The following CADM2 variants were observed in gnomAD, a reference collection of about 807,000 sequenced individuals.
CADM2 encodes the protein cell adhesion molecule 2.
CADM2 carries 12 observed loss-of-function variants against 49.8 expected under a neutral mutation model. The ratio of observed to expected loss-of-function variants is 0.24; its 90% CI spans 0.15 to 0.39. The LOEUF is 0.39. CADM2 is among the 10% of genes least tolerant of loss of function. The pLI, the probability that CADM2 is intolerant of heterozygous loss-of-function variation, is 1.00. For synonymous variants in CADM2, 214 were observed against 175.4 expected (o/e 1.22, Z -1.74); for missense variants, 378 against 492.3 (o/e 0.77, Z 2.20).
At chr3:85,308,161 C>T (rs1375574564) in intron 1 of CADM2, among the ~76,000 whole-genome samples, 1 of 151,656 alleles carries the variant, frequency 6.6e-6, no homozygotes, top group Non-Finnish European at 1.5e-5. Flanking sequence ...TTTCTTTTGC[C>T]AGAAAATTTG....
rs35088088 is a variant in CADM2 at position 85,383,775 on chromosome 3, T to A, written c.62-342747T>A. ...ATTTCATATTGTATACATTCTTCAA[T>A]ACTCACTGTTCCTCCTTTGATATTT... On this transcript the variant is annotated intron_variant, in intron 1 of 9. Coordinates refer to ENST00000383699, the MANE Select transcript of CADM2 (RefSeq NM_001167675.2). Among the ~76,000 whole-genome samples, 1,408 of 151,860 alleles carry A rather than the reference T, an allele frequency of 9.3e-3. 12 individuals are homozygous for A. Among genetic ancestry groups the A allele is most frequent in the Non-Finnish European group, 0.014 (964 of 67,872 alleles).
At chr3:85,612,978 A>G (rs2063715897) in intron 1 of CADM2, among the ~76,000 whole-genome samples, 1 of 151,726 alleles carries the variant, frequency 6.6e-6, no homozygotes, top group African/African-American at 2.4e-5. Flanking sequence ...CTAATTGATC[A>G]TGGAGTCTTT....
intron 1 of CADM2, among the ~76,000 whole-genome samples, chr3:85,042,924 A>G (rs1223040410): frequency 1.3e-5 from 2 of 152,156 alleles, no homozygotes; most frequent in Non-Finnish European, 2.9e-5. Flanking sequence ...GTACATGCAC[A>G]TAGGGATCCA....
intron 7 of CADM2, among the ~76,000 whole-genome samples, chr3:85,948,821 T>G (rs1375774147): frequency 6.6e-6 from 1 of 151,594 alleles, no homozygotes; most frequent in Non-Finnish European, 1.5e-5. Flanking sequence ...AGGCAGACTT[T>G]CTCAGTGATT....
chr3:85,691,206 C>T (rs2066375564), intron 1 of CADM2, among the ~76,000 whole-genome samples: 1 of 152,168 alleles, frequency 6.6e-6, no homozygotes, highest in South Asian at 2.1e-4. Flanking sequence ...CCTTACTTCA[C>T]TGAACATGGT....
At chr3:85,179,795 A>G (rs2040879833) in intron 1 of CADM2, among the ~76,000 whole-genome samples, 1 of 152,140 alleles carries the variant, frequency 6.6e-6, no homozygotes, top group African/African-American at 2.4e-5. Context: ...TTTGAATAAA[A>G]ATGCGAAGCC....
chr3:84,989,878 C>G (rs1385234521), intron 1 of CADM2, among the ~76,000 whole-genome samples: 1 of 151,648 alleles, frequency 6.6e-6, no homozygotes, highest in Non-Finnish European at 1.5e-5. Context: ...ATTCTTCCAC[C>G]TACAGGTTTT....
intron 1 of CADM2, among the ~76,000 whole-genome samples, chr3:85,685,709 C>T (rs1209450964): frequency 6.7e-6 from 1 of 149,220 alleles, no homozygotes; most frequent in Non-Finnish European, 1.5e-5. Flanking sequence ...CTGCAACCTC[C>T]ACCTCCCAGG....
intron 1 of CADM2, among the ~76,000 whole-genome samples, chr3:85,054,361 A>G (rs1250617632): frequency 6.6e-6 from 1 of 151,906 alleles, no homozygotes; most frequent in Non-Finnish European, 1.5e-5. Context: ...GCTTATAGTA[A>G]ATGAAGACTT....
intron 3 of CADM2, among the ~76,000 whole-genome samples, chr3:85,832,108 A>T (rs2074213059): frequency 6.6e-6 from 1 of 151,800 alleles, no homozygotes. Flanking sequence ...ATTGCTCATC[A>T]TTGTTGACTT....
chr3:85,297,826 G>T (rs1266850712), intron 1 of CADM2, among the ~76,000 whole-genome samples: 1 of 151,864 alleles, frequency 6.6e-6, no homozygotes, highest in African/African-American at 2.4e-5. Flanking sequence ...TTCCCAAATG[G>T]AATATAACCT....
chr3:85,330,372 C>A, intron 1 of CADM2, among the ~76,000 whole-genome samples: 1 of 151,666 alleles, frequency 6.6e-6, no homozygotes, highest in East Asian at 2.0e-4. Flanking sequence ...TAGTATGTTT[C>A]CGTTGTGAAA....
At chr3:85,999,271 T>TGGC (rs1729836255) in intron 8 of CADM2, among the ~76,000 whole-genome samples, 11 of 143,130 alleles carry the variant, frequency 7.7e-5, no homozygotes, top group Admixed American at 1.4e-4. Context: ...GGCCGAGGGT[T>TGGC]GGGGGGTGGA....
chr3:85,837,782 C>G (rs1321901854), intron 3 of CADM2, among the ~76,000 whole-genome samples: 4 of 151,680 alleles, frequency 2.6e-5, no homozygotes, highest in Non-Finnish European at 5.9e-5. Context: ...CACATAACTT[C>G]TAAAATTAAA....
chr3:85,050,505 T>C (rs1333296541), intron 1 of CADM2, among the ~76,000 whole-genome samples: 1 of 152,144 alleles, frequency 6.6e-6, no homozygotes, highest in African/African-American at 2.4e-5. Context: ...TACAATTTTC[T>C]AAATATATTT....
In CADM2 at chr3:85,116,611, T is replaced by A. The variant is rs958664839; in HGVS notation, c.61+156943T>A. Among the ~76,000 whole-genome samples, 4 of 152,296 alleles carry A rather than the reference T, an allele frequency of 2.6e-5. No homozygotes were observed. The East Asian group carries it at 5.8e-4, about 22-fold the overall frequency. On this transcript the variant is annotated intron_variant, in intron 1 of 9. Coordinates refer to ENST00000383699, the MANE Select transcript of CADM2 (RefSeq NM_001167675.2). ...CATATTTACATTATATACTTCTCAA[T>A]GAAATTAAAGCAATTTTATTTTAAT...
intron 1 of CADM2, among the ~76,000 whole-genome samples, chr3:85,115,055 C>G (rs1001194103): frequency 6.6e-6 from 1 of 152,038 alleles, no homozygotes; most frequent in Admixed American, 6.6e-5. Context: ...TTATATCTAC[C>G]TGGAATGCTT....
At chr3:85,701,763 G>A (rs1344764461) in intron 1 of CADM2, among the ~76,000 whole-genome samples, 1 of 152,104 alleles carries the variant, frequency 6.6e-6, no homozygotes, top group East Asian at 1.9e-4. Flanking sequence ...CCATAGAAAA[G>A]ATGCTCTCTA....
chr3:85,046,602 A>G (rs1016961121), intron 1 of CADM2, among the ~76,000 whole-genome samples: 2 of 151,976 alleles, frequency 1.3e-5, no homozygotes, highest in African/African-American at 4.8e-5. Context: ...TTTACTAAGA[A>G]CTATAATTTT....
Sources: gnomAD v4.1 joint callset for allele counts (sites outside exome capture counted in the v4.1 genomes callset) on GRCh38, gnomAD v4.1.1 for gene constraint, MANE v1.5 for transcripts, NCBI Gene and HGNC (gene_info 2026-07-23, HGNC 2026-07-21) for gene names.